The following ZNF518A variants were observed in gnomAD, a reference collection of about 807,000 sequenced individuals.
ZNF518A encodes zinc finger protein 518A.
In ZNF518A, 47 loss-of-function variants were observed where a neutral mutation model predicts 102.7. The observed-to-expected ratio is 0.46, with a 90% CI of 0.36 to 0.58. ZNF518A has a LOEUF of 0.58. ZNF518A is among the 20% of genes least tolerant of loss of function. The pLI is 0.00. For missense variants in ZNF518A, 1,793 were observed against 1,699.8 expected (o/e 1.05, Z -0.96); for synonymous variants, 652 against 594.6 (o/e 1.10, Z -1.40).
At chr10:96,149,194 G>A (rs587737118) in intron 3 of ZNF518A, among the ~76,000 whole-genome samples, 6 of 152,190 alleles carry the variant, frequency 3.9e-5, no homozygotes, top group Admixed American at 1.3e-4. Flanking sequence ...GTTTATTTTC[G>A]GTTTTGGTAC....
intron 3 of ZNF518A, among the ~76,000 whole-genome samples, chr10:96,149,817 T>A (rs1434612819): frequency 1.3e-5 from 2 of 152,180 alleles, no homozygotes; most frequent in African/African-American, 4.8e-5. Context: ...TTAACTATAT[T>A]AATAACAATG....
rs183307052 is a variant in ZNF518A at position 96,203,207 on chromosome 10, C to T, written n.36-367C>T. 2.1e-3 allele frequency among the ~76,000 whole-genome samples: 316 copies of T among 152,158 alleles called. 1 individual carries two copies. The highest frequency in any genetic ancestry group is 7.1e-3 in the African/African-American group (294 of 41,516). On this transcript the variant is annotated intron_variant and non_coding_transcript_variant, in intron 1 of 2. Transcript: ENST00000442635. ...TGAATGAATGACTTGGTTTGAAAAA[C>T]GGTAAAAGGTATAATAAACCTTTTT...
chr10:96,192,327 TAGAG>T (rs1390746210), intron 1 of ZNF518A, among the ~76,000 whole-genome samples: 1 of 132,336 alleles, frequency 7.6e-6, no homozygotes, highest in East Asian at 1.9e-4. Flanking sequence ...CATAGCTACT[TAGAG>T]AGATTACTTC....
At chr10:96,188,453 G>C (rs1157058126) in intron 1 of ZNF518A, among the ~76,000 whole-genome samples, 1 of 152,204 alleles carries the variant, frequency 6.6e-6, no homozygotes, top group Non-Finnish European at 1.5e-5. Flanking sequence ...ACACTTGGAG[G>C]AGGAGAGGAA....
intron 3 of ZNF518A, among the ~76,000 whole-genome samples, chr10:96,147,010 A>G (rs1212593250): frequency 6.6e-6 from 1 of 152,192 alleles, no homozygotes; most frequent in African/African-American, 2.4e-5. Flanking sequence ...AGTGAATCCT[A>G]GCAACCTTAG....
chr10:96,178,650 T>TAAAC (rs1422357758), intron 1 of ZNF518A, among the ~76,000 whole-genome samples: 2 of 151,938 alleles, frequency 1.3e-5, no homozygotes, highest in Admixed American at 1.3e-4. Context: ...TAGGGAAAAT[T>TAAAC]AATGAAATGA....
chr10:96,158,112 G>A lies in ZNF518A; in HGVS notation c.1790G>A (p.Ser597Asn). ...HPEVLGTTIK[S>N]PDKVNCVAKP... Reference sequence around the variant, plus strand: ...GAGGTATTAGGTACCACCATTAAAAGTCCAGATAAAGTCAACTGTGTTGCC... The same window carrying A: ...GAGGTATTAGGTACCACCATTAAAAATCCAGATAAAGTCAACTGTGTTGCC... Residue 597 changes from serine to asparagine, a missense_variant, in exon 6 of 6, where the codon AGT (serine) becomes AAT (asparagine). This residue lies in a region of ZNF518A where 1,741 missense variants were observed against 1,622.6 expected (regional missense o/e 1.07). Coordinates refer to ENST00000316045, the MANE Select transcript of ZNF518A (RefSeq NM_001330736.2). The A allele has an allele frequency of 6.2e-7, 1 of 1,613,546 alleles. No individual in the cohort carries two copies. Among genetic ancestry groups the A allele is most frequent in the Non-Finnish European group, 8.5e-7 (1 of 1,179,674 alleles).
intron 3 of ZNF518A, chr10:96,151,338 AC>A (rs1456976365): frequency 2.0e-5 from 3 of 152,362 alleles, no homozygotes; most frequent in Non-Finnish European, 4.4e-5. Flanking sequence ...GGGCTCTTAA[AC>A]AGAGGAAGAT....
intron 3 of ZNF518A, among the ~76,000 whole-genome samples, chr10:96,137,920 T>C (rs587758950): frequency 1.7e-4 from 26 of 152,152 alleles, no homozygotes; most frequent in African/African-American, 2.4e-4. Flanking sequence ...AATGGAACTT[T>C]TGATAAACTT....
In ZNF518A at chr10:96,157,275, A is replaced by G. The variant is rs961865224; in HGVS notation, c.953A>G (p.Tyr318Cys). The change falls in exon 6 of 6, where the codon TAT (tyrosine) becomes TGT (cysteine). Residue 318 changes from tyrosine to cysteine, a missense_variant. Coordinates refer to ENST00000316045, the MANE Select transcript of ZNF518A (RefSeq NM_001330736.2). ...GGACTTAAGCTAATACTGAAAAGAT[A>G]TAAAATAGGTGCATCAAGGAAGACG... Reference protein sequence around the residue: ...SAGLKLILKRYKIGASRKTFW... With the variant: ...SAGLKLILKRCKIGASRKTFW... 6.2e-6 allele frequency: 10 copies of G among 1,612,172 alleles called. No individual in the cohort carries two copies. Among genetic ancestry groups the G allele is most frequent in the African/African-American group, 1.3e-5 (1 of 74,900 alleles).
chr10:96,189,939 T>G, intron 1 of ZNF518A: 1 of 959,172 alleles, frequency 1.0e-6, no homozygotes, highest in East Asian at 2.4e-5. Context: ...ACTGGTGGTG[T>G]TATTTCAAAG....
At position 96,162,932 on chromosome 10, in the gene ZNF518A, AT is replaced by A. The variant is rs1435214900; in HGVS notation, c.*2159del. 1 of 166,988 alleles carries A rather than the reference AT, an allele frequency of 6.0e-6. No homozygotes were observed. The highest frequency in any genetic ancestry group is 1.9e-4 in the East Asian group (1 of 5,206). 10.3% of individuals were successfully genotyped at this position (166,988 alleles called of 1,614,324 possible). On this transcript the variant is annotated 3_prime_UTR_variant, in exon 6 of 6. Coordinates refer to ENST00000316045, the MANE Select transcript of ZNF518A (RefSeq NM_001330736.2). ...CATATACCATAATTTTACTATGGTT[AT>A]GCTGGCAAGGTGAGCCATAGAGAGG...
chr10:96,175,791 C>T (rs868989176), intron 1 of ZNF518A, among the ~76,000 whole-genome samples: 49 of 152,120 alleles, frequency 3.2e-4, no homozygotes, highest in African/African-American at 1.2e-3. Context: ...GAGACAGATG[C>T]TGAAAGCCCT....
chr10:96,182,329 C>T (rs1466124201), intron 1 of ZNF518A, among the ~76,000 whole-genome samples: 1 of 152,140 alleles, frequency 6.6e-6, no homozygotes, highest in Non-Finnish European at 1.5e-5. Context: ...ATTTCTTTGC[C>T]TTGCCTGATT....
chr10:96,138,380 G>A (rs782736679), intron 3 of ZNF518A, among the ~76,000 whole-genome samples: 6 of 152,006 alleles, frequency 3.9e-5, no homozygotes, highest in Non-Finnish European at 7.4e-5. Context: ...GCTTTCTGTT[G>A]TGGTCATACT....
chr10:96,201,015 G>A, intron 1 of ZNF518A: 1 of 1,614,102 alleles, frequency 6.2e-7, no homozygotes. Flanking sequence ...ATGAAAAGCT[G>A]GGTAGGGGCC....
chr10:96,140,405 T>G (rs587641725), intron 3 of ZNF518A, among the ~76,000 whole-genome samples: 1 of 152,330 alleles, frequency 6.6e-6, no homozygotes, highest in South Asian at 2.1e-4. Flanking sequence ...ATGGATCACA[T>G]GATAACATGT....
rs781873097 is a variant in ZNF518A, at chr10:96,163,413, A to C, written c.*2639A>C. The C allele has an allele frequency of 6.0e-6, 1 of 166,940 alleles. No individual in the cohort carries two copies. The highest frequency in any genetic ancestry group is 1.5e-5 in the Non-Finnish European group (1 of 68,054). 10.3% of individuals were successfully genotyped at this position (166,940 alleles called of 1,614,324 possible). A position where few individuals can be genotyped will look rare whatever the true frequency, so the allele number is the denominator to read the frequency against. ...ATTGAAGAGTTAGTTTTAGTTTTGC[A>C]GTTGAATTTCTGTGTGAGGAATTTG... On this transcript the variant is annotated 3_prime_UTR_variant, in exon 6 of 6. Transcript: ENST00000316045.
intron 3 of ZNF518A, among the ~76,000 whole-genome samples, chr10:96,137,817 T>G (rs2081684347): frequency 6.6e-6 from 1 of 152,198 alleles, no homozygotes; most frequent in African/African-American, 2.4e-5. Context: ...CCAAATTTCA[T>G]CATCCACCTA....
Sources: allele counts gnomAD v4.1 joint callset (sites outside exome capture counted in the v4.1 genomes callset), GRCh38; gene constraint gnomAD v4.1.1; regional missense constraint gnomAD v4.1.1; transcripts MANE v1.5; gene names NCBI Gene and HGNC (gene_info 2026-07-23, HGNC 2026-07-21).